Variants in ADCK1 observed in about 807,000 individuals in gnomAD.
ADCK1 encodes aarF domain-containing protein kinase 1.
ADCK1 carries 41 observed loss-of-function variants against 52.3 expected under a neutral mutation model. The observed-to-expected ratio is 0.78, with a 90% confidence interval of 0.61 to 1.02. ADCK1 has a LOEUF of 1.02. ADCK1 is among the 50% of genes least tolerant of loss of function. The probability of loss-of-function intolerance (pLI) is 0.00; values close to 1 mark genes in which losing one functional copy is unlikely to be tolerated. For missense variants in ADCK1, 658 were observed against 679.5 expected (o/e 0.97, Z 0.35); for synonymous variants, 250 against 274.6 (o/e 0.91, Z 0.89).
At chr14:77,805,464 A>G (rs28612307) in intron 1 of ADCK1, among the ~76,000 whole-genome samples, 4,436 of 151,608 alleles carry the variant, frequency 0.029, 204 homozygotes, top group African/African-American at 0.099. Context: ...GCTTCACCAC[A>G]TTGGCCAGGC....
intron 1 of ADCK1, among the ~76,000 whole-genome samples, chr14:77,803,730 A>G (rs2081161873): frequency 6.6e-6 from 1 of 152,226 alleles, no homozygotes; most frequent in Admixed American, 6.5e-5. Flanking sequence ...GGGGGCTCCA[A>G]ACAGTGCCTC....
At chr14:77,913,429 G>A (rs1223251729) in intron 7 of ADCK1, among the ~76,000 whole-genome samples, 1 of 152,230 alleles carries the variant, frequency 6.6e-6, no homozygotes, top group Non-Finnish European at 1.5e-5. Context: ...ATTTGTTTGT[G>A]TCTGTGAGCC....
chr14:77,925,849 G>C lies in ADCK1; in HGVS notation c.1094G>C (p.Ser365Thr), dbSNP rs2140296737. The C allele has an allele frequency of 1.9e-6, 3 of 1,614,236 alleles. No individual in the cohort carries two copies. Among genetic ancestry groups the C allele is most frequent in the Middle Eastern group, 1.6e-4 (1 of 6,062 alleles). ...WTDMKRVKEY[S>T]QRLGAGDLYP... ...GACATGAAGAGAGTGAAGGAGTACA[G>C]CCAGCGACTGGGAGCCGGGGATCTC... is the stretch of plus-strand genomic sequence containing the variant. Residue 365 changes from serine to threonine, a missense_variant, in exon 9 of 11, where the codon AGC (serine) becomes ACC (threonine). Ser to Thr is a moderately conservative substitution (Grantham distance 58, BLOSUM62 1). Coordinates refer to ENST00000238561, the MANE Select transcript of ADCK1 (RefSeq NM_020421.4).
chr14:77,883,535 C>T (rs2140197868), intron 4 of ADCK1, among the ~76,000 whole-genome samples: 1 of 152,298 alleles, frequency 6.6e-6, no homozygotes, highest in African/African-American at 2.4e-5. Context: ...TTACAGGCTG[C>T]AGCACCAATC....
At position 77,922,222 on chromosome 14, in the gene ADCK1, C is replaced by T. The variant is rs115662113; in HGVS notation, c.859-2235C>T. Among the ~76,000 whole-genome samples the T allele has an allele frequency of 8.9e-3, 1,358 of 152,206 alleles. 19 individuals carry two copies. Among genetic ancestry groups the T allele is most frequent in the African/African-American group, 0.031 (1,288 of 41,516 alleles). ...CCCAGGACCAGCCCTGGCTGGGGGC[C>T]CCCTCTCCAGGGAAGCAGACAGTGG... On this transcript the variant is annotated intron_variant, in intron 7 of 10. Transcript: ENST00000238561.
intron 1 of ADCK1, among the ~76,000 whole-genome samples, chr14:77,802,305 C>T (rs1005640371): frequency 6.6e-6 from 1 of 152,116 alleles, no homozygotes; most frequent in Non-Finnish European, 1.5e-5. Flanking sequence ...TCTTCTCTTA[C>T]CTGCTGCTTG....
chr14:77,810,229 C>G (rs2081312279), intron 1 of ADCK1, among the ~76,000 whole-genome samples: 1 of 151,988 alleles, frequency 6.6e-6, no homozygotes, highest in African/African-American at 2.4e-5. Context: ...ATCCTCCTAC[C>G]TCAGCCTCCT....
At chr14:77,858,231 T>G (rs1206539625) in intron 3 of ADCK1, among the ~76,000 whole-genome samples, 1 of 152,100 alleles carries the variant, frequency 6.6e-6, no homozygotes, top group Non-Finnish European at 1.5e-5. Flanking sequence ...TTGATATTTA[T>G]TAGTGATTTC....
chr14:77,820,214 A>G (rs973107324), intron 2 of ADCK1, among the ~76,000 whole-genome samples: 1 of 152,126 alleles, frequency 6.6e-6, no homozygotes, highest in African/African-American at 2.4e-5. Context: ...TGGGTGATTC[A>G]GATGCCCGCT....
At chr14:77,857,548 G>A (rs1317088644) in intron 3 of ADCK1, among the ~76,000 whole-genome samples, 1 of 152,074 alleles carries the variant, frequency 6.6e-6, no homozygotes, top group Admixed American at 6.6e-5. Context: ...ATACTGGCTG[G>A]TTTGTTATCT....
chr14:77,818,682 T>C lies in ADCK1; in HGVS notation c.-11-286T>C, dbSNP rs1438685759. 2.0e-5 allele frequency among the ~76,000 whole-genome samples: 3 copies of C among 152,210 alleles called. No homozygotes were observed. In the East Asian group the frequency reaches 5.8e-4, roughly 29 times the overall value. The stretch of plus-strand genomic sequence containing the variant: ...GGCAAGAACTTTGTTTTGTTCACTG[T>C]CTTTCCCCATGTCTAGAACAGTGCC... On this transcript the variant is annotated intron_variant, in intron 1 of 10. Transcript: ENST00000238561.
intron 9 of ADCK1, among the ~76,000 whole-genome samples, chr14:77,930,805 A>G (rs959961768): frequency 5.9e-5 from 9 of 152,178 alleles, no homozygotes; most frequent in Non-Finnish European, 1.3e-4. Flanking sequence ...CATCATATCT[A>G]TGGAGACTGA....
chr14:77,921,441 A>G (rs76715292), intron 7 of ADCK1, among the ~76,000 whole-genome samples: 3,633 of 151,862 alleles, frequency 0.024, 118 homozygotes, highest in African/African-American at 0.079. Flanking sequence ...CTATTTTGAC[A>G]TTGAATCTCA....
intron 5 of ADCK1, among the ~76,000 whole-genome samples, chr14:77,887,453 G>C (rs1371564373): frequency 6.6e-6 from 1 of 152,108 alleles, no homozygotes; most frequent in East Asian, 1.9e-4. Context: ...GTTAGTTCTT[G>C]ATTTGTCCCT....
At chr14:77,844,389 A>T (rs537520080) in intron 3 of ADCK1, among the ~76,000 whole-genome samples, 20 of 152,172 alleles carry the variant, frequency 1.3e-4, no homozygotes, top group Admixed American at 4.6e-4. Context: ...CCTGATCATA[A>T]TTTCTTATGT....
chr14:77,918,147 A>T lies in ADCK1; in HGVS notation c.859-6310A>T, dbSNP rs150894842. ...GTCATGCTGGACCCCTGTCAACTTC[A>T]GTAGGGATGGCACCAGGTTCAAGAG... is the stretch of plus-strand genomic sequence containing the variant. On this transcript the variant is annotated intron_variant, in intron 7 of 10. Coordinates refer to ENST00000238561, the MANE Select transcript of ADCK1 (RefSeq NM_020421.4). 5.0e-3 allele frequency among the ~76,000 whole-genome samples: 768 copies of T among 152,306 alleles called. 5 individuals are homozygous for T. The highest frequency in any genetic ancestry group is 0.017 in the African/African-American group (707 of 41,550).
intron 3 of ADCK1, among the ~76,000 whole-genome samples, chr14:77,828,540 G>A (rs2081769598): frequency 6.6e-6 from 1 of 151,976 alleles, no homozygotes. Flanking sequence ...TTTAATTATT[G>A]TTATTATTAT....
chr14:77,821,692 T>C (rs8022914), intron 2 of ADCK1, among the ~76,000 whole-genome samples: 28,478 of 151,582 alleles, frequency 0.19, 3,147 homozygotes, highest in African/African-American at 0.3. Context: ...ACCAGCCTGG[T>C]CAACATGGCG....
Position 77,812,242 on chromosome 14 carries a change from T to C in ADCK1, c.-11-6726T>C, listed in dbSNP as rs567127327. ...CATTAGAGTCCCCAGAACTTATTCA[T>C]CTTGTAACTGAAACTTTGTACCCTT... On this transcript the variant is annotated intron_variant, in intron 1 of 10. Transcript: ENST00000238561. Among the ~76,000 whole-genome samples the C allele has an allele frequency of 1.1e-3, 168 of 152,302 alleles. 1 individual carries two copies. Among genetic ancestry groups the C allele is most frequent in the African/African-American group, 3.9e-3 (161 of 41,576 alleles).
Sources: allele counts gnomAD v4.1 joint callset (sites outside exome capture counted in the v4.1 genomes callset), GRCh38; gene constraint gnomAD v4.1.1; transcripts MANE v1.5; gene names NCBI Gene and HGNC (gene_info 2026-07-23, HGNC 2026-07-21).